MAGI2: variants seen among roughly 807,000 people sequenced by gnomAD.
MAGI2 encodes the protein membrane-associated guanylate kinase, WW and PDZ domain-containing protein 2.
MAGI2 carries 35 observed loss-of-function variants against 133.3 expected under a neutral mutation model. The observed-to-expected ratio is 0.26, with a 90% CI of 0.20 to 0.35. The LOEUF is 0.35. Among genes scored for constraint, MAGI2 ranks in the 10% least tolerant of loss-of-function variants. The pLI, the probability that MAGI2 is intolerant of heterozygous loss-of-function variation, is 1.00. For missense variants in MAGI2, 1,636 were observed against 1,863.4 expected, an observed-to-expected ratio of 0.88 and a Z score of 2.25; for synonymous variants, 729 against 710.6, an observed-to-expected ratio of 1.03 and a Z score of -0.41.
At chr7:79,131,012 A>G (rs1820896022) in intron 1 of MAGI2, among the ~76,000 whole-genome samples, 1 of 152,176 alleles carries the variant, frequency 6.6e-6, no homozygotes, top group African/African-American at 2.4e-5. Context: ...AGGATCATGG[A>G]GCAGGTACTA....
chr7:78,124,714 T>G (rs886715478), intron 20 of MAGI2, among the ~76,000 whole-genome samples: 3 of 151,912 alleles, frequency 2.0e-5, no homozygotes, highest in Admixed American at 6.6e-5. Context: ...ACAGAGAGAG[T>G]AAAGAGACTA....
At chr7:79,341,288 T>C (rs907320410) in intron 1 of MAGI2, among the ~76,000 whole-genome samples, 2 of 152,124 alleles carry the variant, frequency 1.3e-5, no homozygotes, top group Non-Finnish European at 2.9e-5. Context: ...CATGAACAAA[T>C]TAGTAAAATT....
At chr7:78,731,877 C>T (rs775487999) in intron 2 of MAGI2, among the ~76,000 whole-genome samples, 1 of 152,106 alleles carries the variant, frequency 6.6e-6, no homozygotes, top group Non-Finnish European at 1.5e-5. Context: ...CTTCTGCATA[C>T]GTGTACTCAC....
At chr7:78,925,945 C>T (rs895905136) in intron 2 of MAGI2, among the ~76,000 whole-genome samples, 2 of 152,004 alleles carry the variant, frequency 1.3e-5, no homozygotes, top group Non-Finnish European at 2.9e-5. Flanking sequence ...TTGCTGTTCA[C>T]ATTACATGCC....
intron 20 of MAGI2, among the ~76,000 whole-genome samples, chr7:78,091,771 C>T: frequency 6.6e-6 from 1 of 152,168 alleles, no homozygotes; most frequent in East Asian, 1.9e-4. Flanking sequence ...TAGGATTTTA[C>T]TTGGTTCAGA....
At chr7:79,408,067 T>A (rs560667119) in intron 1 of MAGI2, among the ~76,000 whole-genome samples, 1 of 152,250 alleles carries the variant, frequency 6.6e-6, no homozygotes, top group East Asian at 1.9e-4. Context: ...AGATAGCTAA[T>A]ATTATGCCCC....
chr7:78,302,044 T>G (rs1316351946), intron 9 of MAGI2, among the ~76,000 whole-genome samples: 2 of 152,220 alleles, frequency 1.3e-5, no homozygotes, highest in African/African-American at 4.8e-5. Flanking sequence ...TGTTAGTGAT[T>G]ATTACATTTA....
rs181564031 is a variant in MAGI2, at chr7:78,511,507, A to G, written c.755-9720T>C. 8.8e-5 allele frequency among the ~76,000 whole-genome samples: 13 copies of G among 147,474 alleles called. No individual in the cohort carries two copies. In the East Asian group the frequency reaches 2.2e-3, roughly 24 times the overall value. On this transcript the variant is annotated intron_variant, in intron 4 of 21. Coordinates refer to ENST00000354212, the MANE Select transcript of MAGI2 (RefSeq NM_012301.4). ...GTACTAAAATATTTGCACATTGTATAGTGACTTTTTTTTGCTCACCATCTT... is the reference window on the plus strand; with the variant it reads ...GTACTAAAATATTTGCACATTGTATGGTGACTTTTTTTTGCTCACCATCTT...
chr7:78,526,492 A>G (rs1796963751), intron 3 of MAGI2, among the ~76,000 whole-genome samples: 1 of 152,218 alleles, frequency 6.6e-6, no homozygotes, highest in Non-Finnish European at 1.5e-5. Flanking sequence ...CTTATTGAGT[A>G]CAACAAAATG....
intron 20 of MAGI2, among the ~76,000 whole-genome samples, chr7:78,106,677 C>T (rs1818724238): frequency 6.6e-6 from 1 of 152,008 alleles, no homozygotes; most frequent in South Asian, 2.1e-4. Context: ...AATGTCTATT[C>T]AGATATTTTG....
intron 9 of MAGI2, among the ~76,000 whole-genome samples, chr7:78,338,664 G>A (rs1790027177): frequency 6.6e-6 from 1 of 152,188 alleles, no homozygotes; most frequent in African/African-American, 2.4e-5. Context: ...CATGTGGGAT[G>A]TTGCAGAAAT....
intron 21 of MAGI2, among the ~76,000 whole-genome samples, chr7:78,044,698 T>C (rs1383385321): frequency 9.5e-6 from 1 of 105,066 alleles, no homozygotes; most frequent in Non-Finnish European, 2.0e-5. Flanking sequence ...TGTGTGTGTG[T>C]GTGTGTGCAC....
chr7:78,355,997 G>T (rs1276875647), intron 7 of MAGI2, among the ~76,000 whole-genome samples: 1 of 152,200 alleles, frequency 6.6e-6, no homozygotes, highest in Non-Finnish European at 1.5e-5. Flanking sequence ...CATGAATGAG[G>T]AGTCAGGAGA....
intron 2 of MAGI2, among the ~76,000 whole-genome samples, chr7:78,878,714 G>A (rs566617985): frequency 6.6e-6 from 1 of 152,308 alleles, no homozygotes; most frequent in South Asian, 2.1e-4. Context: ...CATTAACAGA[G>A]GCTTAGAATT....
chr7:78,224,999 T>C (rs1789229176), intron 10 of MAGI2, among the ~76,000 whole-genome samples: 1 of 152,182 alleles, frequency 6.6e-6, no homozygotes, highest in Non-Finnish European at 1.5e-5. Context: ...CACCTCCAAC[T>C]TACACAGAAT....
intron 2 of MAGI2, among the ~76,000 whole-genome samples, chr7:78,749,897 T>C (rs756479724): frequency 1.3e-5 from 2 of 152,172 alleles, no homozygotes; most frequent in Non-Finnish European, 2.9e-5. Flanking sequence ...AGAATTTTTT[T>C]TCATACTTCA....
intron 2 of MAGI2, among the ~76,000 whole-genome samples, chr7:78,839,966 CTT>C (rs1791983292): frequency 6.6e-6 from 1 of 152,082 alleles, no homozygotes; most frequent in Non-Finnish European, 1.5e-5. Flanking sequence ...CACAGGGACA[CTT>C]TTCTTTTATT....
intron 2 of MAGI2, among the ~76,000 whole-genome samples, chr7:78,972,950 C>T (rs949988806): frequency 2.0e-5 from 3 of 151,420 alleles, no homozygotes; most frequent in Admixed American, 2.0e-4. Flanking sequence ...CACACACACA[C>T]ACACACACAC....
At chr7:78,026,836 C>T (rs758291784) in intron 21 of MAGI2, among the ~76,000 whole-genome samples, 1 of 152,132 alleles carries the variant, frequency 6.6e-6, no homozygotes, top group East Asian at 1.9e-4. Flanking sequence ...CTAACGACTG[C>T]GTCTTGGATT....
Sources: gnomAD v4.1 joint callset for allele counts (sites outside exome capture counted in the v4.1 genomes callset) on GRCh38, gnomAD v4.1.1 for gene constraint, MANE v1.5 for transcripts, NCBI Gene and HGNC (gene_info 2026-07-23, HGNC 2026-07-21) for gene names.